The following PXDN variants were observed in gnomAD, a reference collection of about 807,000 sequenced individuals.
PXDN encodes peroxidasin.
A neutral mutation model predicts 140.3 loss-of-function variants in PXDN; 77 were observed. The ratio of observed to expected loss-of-function variants is 0.55; its 90% CI spans 0.46 to 0.66. The LOEUF (loss-of-function observed/expected upper bound fraction) is 0.66, where lower values mean the gene tolerates loss of function less well. Among genes scored for constraint, PXDN ranks in the 30% least tolerant of loss-of-function variants. The probability of loss-of-function intolerance (pLI) is 0.00; values close to 1 mark genes in which losing one functional copy is unlikely to be tolerated. For missense variants in PXDN, 1,838 were observed against 2,039.5 expected (o/e 0.90, Z 1.90); for synonymous variants, 911 against 857.4 (o/e 1.06, Z -1.09).
intron 1 of PXDN, among the ~76,000 whole-genome samples, chr2:1,729,570 A>AGGGGGGGGGG (rs940150382): frequency 7.6e-6 from 1 of 132,158 alleles, no homozygotes; most frequent in African/African-American, 4.3e-5. Flanking sequence ...AGGGTGGGGG[A>AGGGGGGGGGG]GGGGGGTGAG....
At chr2:1,680,415 T>A in intron 6 of PXDN, 53 bp from the exon 7 acceptor site, 1 of 1,595,962 alleles carries the variant, frequency 6.3e-7, no homozygotes, top group South Asian at 1.1e-5. Flanking sequence ...GGCTTGTCCA[T>A]CCATCCATCA....
rs1345094455 is a variant in PXDN, at chr2:1,714,998, T to C, written c.201-21864A>G. Among the ~76,000 whole-genome samples the C allele has an allele frequency of 6.7e-6, 1 of 149,452 alleles. No individual in the cohort carries two copies. The highest frequency in any genetic ancestry group is 6.7e-5 in the Admixed American group (1 of 14,854). ...CGCCACCCATTAATACAAAGCCCCC[T>C]CCCCCCATCCCCGGCTTACAAATAA... On this transcript the variant is annotated intron_variant, in intron 1 of 22. Transcript: ENST00000252804. The surrounding 1 kb of genome is among the most constrained non-coding windows in gnomAD (Gnocchi z 4.3).
intron 1 of PXDN, among the ~76,000 whole-genome samples, chr2:1,710,586 C>CCACTCTCCACCAGCACCCA (rs752200113): frequency 1.0e-5 from 1 of 99,774 alleles, no homozygotes; most frequent in Non-Finnish European, 2.0e-5. Context: ...CCACTAGCAC[C>CCACTCTCCACCAGCACCCA]CTCTCCACCA....
chr2:1,663,890 C>T, intron 11 of PXDN, 127 bp from the exon 12 acceptor site: 2 of 1,176,812 alleles, frequency 1.7e-6, no homozygotes, highest in Non-Finnish European at 1.2e-6. Flanking sequence ...TTGGCCTGGC[C>T]CTGCATAAGC....
chr2:1,721,080 T>A (rs2125480888), intron 1 of PXDN, among the ~76,000 whole-genome samples: 1 of 152,250 alleles, frequency 6.6e-6, no homozygotes, highest in South Asian at 2.1e-4. Context: ...ACTCAAAGTC[T>A]CCAGATTTAA....
chr2:1,665,965 A>G (rs985862909), intron 10 of PXDN, among the ~76,000 whole-genome samples: 1 of 152,236 alleles, frequency 6.6e-6, no homozygotes, highest in African/African-American at 2.4e-5. Context: ...CCTGCTGGCC[A>G]GGTGCTGGAG....
rs201888427 is a variant in PXDN, at chr2:1,672,265, G to A, written c.1018+1378C>T. 4 of 152,312 alleles carry A rather than the reference G, an allele frequency of 2.6e-5. No individual in the cohort carries two copies. In the East Asian group the frequency reaches 7.7e-4, roughly 29 times the overall value. The allele number at this position is 152,312 out of a possible 1,614,324, so 9.4% of individuals were successfully genotyped here. On this transcript the variant is annotated intron_variant, in intron 9 of 22. Transcript: ENST00000252804. The stretch of plus-strand genomic sequence containing the variant: ...AAGACACAACAATTCAGATCAAAAG[G>A]AGTGAAATTTGGAACTCTCAAGCCA...
chr2:1,651,710 T>A lies in PXDN; in HGVS notation c.2104+1918A>T, dbSNP rs1040708541. On this transcript the variant is annotated intron_variant, in intron 16 of 22. Coordinates refer to ENST00000252804, the MANE Select transcript of PXDN (RefSeq NM_012293.3). This position sits in a 1 kb window ranked among gnomAD's most constrained non-coding sequence, Gnocchi z 4.4. ...CCCCTCGCCCTTGTGGGGTCCCTGC[T>A]CACGTGTCACCTTCGCCCATGGGGA... 1.4e-4 allele frequency among the ~76,000 whole-genome samples: 21 copies of A among 152,282 alleles called. No individual in the cohort carries two copies. The highest frequency in any genetic ancestry group is 1.1e-3 in the Admixed American group (17 of 15,292).
At chr2:1,659,904 C>T (rs557907536) in intron 14 of PXDN, among the ~76,000 whole-genome samples, 7 of 152,236 alleles carry the variant, frequency 4.6e-5, no homozygotes, top group Admixed American at 3.3e-4. Context: ...GTTAACAAGT[C>T]CCATGGAGAA....
At chr2:1,720,244 GGAGGGATGCAGAGAGAGAGAGAGA>G (rs1685003855) in intron 1 of PXDN, among the ~76,000 whole-genome samples, 1 of 125,706 alleles carries the variant, frequency 8.0e-6, no homozygotes, top group African/African-American at 3.0e-5. Flanking sequence ...AGAGAGGGAG[GGAGGGATGCAGAGAGAGAGAGAGA>G]GAGGGAGGGA....
intron 1 of PXDN, among the ~76,000 whole-genome samples, chr2:1,727,634 C>A (rs991049533): frequency 6.6e-6 from 1 of 152,250 alleles, no homozygotes; most frequent in South Asian, 2.1e-4. Context: ...TCCCATCCCT[C>A]TCAAGAACAG....
intron 1 of PXDN, among the ~76,000 whole-genome samples, chr2:1,725,566 A>C (rs1685159281): frequency 6.6e-6 from 1 of 152,178 alleles, no homozygotes; most frequent in African/African-American, 2.4e-5. Context: ...CAAAAGCCAA[A>C]ATTGACAAAT....
intron 9 of PXDN, 116 bp downstream of exon 9, chr2:1,673,527 C>G: frequency 7.3e-7 from 1 of 1,372,388 alleles, no homozygotes; most frequent in Non-Finnish European, 1.0e-6. Flanking sequence ...GGTACTGGAG[C>G]TTCAACTTCA....
intron 1 of PXDN, among the ~76,000 whole-genome samples, chr2:1,712,326 A>G (rs55801165): frequency 0.016 from 2,393 of 152,342 alleles, 37 homozygotes; most frequent in Admixed American, 0.039. Context: ...TTTAATGACA[A>G]TATCATTTTC....
chr2:1,732,870 C>A (rs990511175), intron 1 of PXDN, among the ~76,000 whole-genome samples: 2 of 152,184 alleles, frequency 1.3e-5, no homozygotes, highest in African/African-American at 4.8e-5. Flanking sequence ...ATTTATTCCA[C>A]AAGTTCAAAA....
intron 1 of PXDN, among the ~76,000 whole-genome samples, chr2:1,743,684 GGGAGGA>G (rs751610649): frequency 3.0e-5 from 2 of 65,814 alleles, no homozygotes; most frequent in Non-Finnish European, 6.6e-5. Context: ...GAGGAGGAAG[GGGAGGA>G]GGAGGAGGAA....
chr2:1,743,645 AG>A (rs1179317154), intron 1 of PXDN, among the ~76,000 whole-genome samples: 11 of 79,870 alleles, frequency 1.4e-4, no homozygotes, highest in African/African-American at 2.8e-4. Flanking sequence ...AGGAGAAGGA[AG>A]GGGGGGAGGA....
In PXDN at chr2:1,678,351, G is replaced by A. The variant is rs554755908; in HGVS notation, c.731-1307C>T. Among the ~76,000 whole-genome samples, 128 of 152,210 alleles carry A rather than the reference G, an allele frequency of 8.4e-4. 1 individual carries two copies. Among genetic ancestry groups the A allele is most frequent in the African/African-American group, 2.8e-3 (115 of 41,534 alleles). On this transcript the variant is annotated intron_variant, in intron 7 of 22. Transcript: ENST00000252804. Reference sequence around the variant, plus strand: ...CACCACAAAATCAAAATAAGCTTTCGCTGCTTTCTTCATTATTTAGGCTGC... The same window carrying A: ...CACCACAAAATCAAAATAAGCTTTCACTGCTTTCTTCATTATTTAGGCTGC...
At chr2:1,712,649 A>C (rs1684810373) in intron 1 of PXDN, among the ~76,000 whole-genome samples, 2 of 152,240 alleles carry the variant, frequency 1.3e-5, no homozygotes, top group South Asian at 4.1e-4. Context: ...CTTGTGGTGG[A>C]AAAGCGGCCA....
Sources: allele counts gnomAD v4.1 joint callset (sites outside exome capture counted in the v4.1 genomes callset), GRCh38; gene constraint gnomAD v4.1.1; non-coding constraint Gnocchi (gnomAD v3.1); transcripts MANE v1.5; gene names NCBI Gene and HGNC (gene_info 2026-07-23, HGNC 2026-07-21).